Variants in DUSP4 observed in about 807,000 individuals in gnomAD.
DUSP4 encodes the protein dual specificity phosphatase 4.
DUSP4 carries 12 observed loss-of-function variants against 27.2 expected under a neutral mutation model. The observed-to-expected ratio is 0.44, with a 90% CI of 0.28 to 0.71. DUSP4 has a LOEUF of 0.71. Ranked by LOEUF, DUSP4 falls within the 30% of genes least tolerant of loss-of-function variation. The pLI, the probability that DUSP4 is intolerant of heterozygous loss-of-function variation, is 0.14. For synonymous variants in DUSP4, 257 were observed against 245.2 expected (o/e 1.05, Z -0.45); for missense variants, 448 against 551.3 (o/e 0.81, Z 1.88).
intron 1 of DUSP4, among the ~76,000 whole-genome samples, chr8:29,340,659 G>A (rs192326907): frequency 6.6e-6 from 1 of 152,252 alleles, no homozygotes; most frequent in East Asian, 1.9e-4. Flanking sequence ...CTTCCTCAGG[G>A]GAGGTTCTCC....
intron 2 of DUSP4, among the ~76,000 whole-genome samples, chr8:29,339,398 C>T (rs1264318839): frequency 3.3e-5 from 5 of 152,162 alleles, no homozygotes; most frequent in East Asian, 1.9e-4. Context: ...TATGTTCATT[C>T]GGCTGATACG....
intron 1 of DUSP4, among the ~76,000 whole-genome samples, chr8:29,340,826 G>A (rs1318714337): frequency 2.0e-5 from 3 of 152,216 alleles, no homozygotes; most frequent in African/African-American, 7.2e-5. Flanking sequence ...AACCCCTCAT[G>A]CTATGTACAG....
intron 1 of DUSP4, among the ~76,000 whole-genome samples, chr8:29,343,477 A>T (rs1319128614): frequency 6.6e-6 from 1 of 152,206 alleles, no homozygotes; most frequent in Non-Finnish European, 1.5e-5. Flanking sequence ...CACCCCCCAC[A>T]GGGCCATGCC....
At chr8:29,348,587 GC>G in intron 1 of DUSP4, 17 of 985,556 alleles carry the variant, frequency 1.7e-5, no homozygotes, top group Middle Eastern at 5.2e-4. Flanking sequence ...GGGGAACAAA[GC>G]CCCCCGCTGT....
intron 2 of DUSP4, among the ~76,000 whole-genome samples, chr8:29,339,024 T>G (rs556656605): frequency 2.0e-5 from 3 of 152,218 alleles, no homozygotes; most frequent in African/African-American, 7.2e-5. Context: ...AGACCTCATC[T>G]CTCAAACAAT....
intron 1 of DUSP4, among the ~76,000 whole-genome samples, chr8:29,343,850 A>C (rs1233286819): frequency 6.6e-6 from 1 of 152,138 alleles, no homozygotes; most frequent in Non-Finnish European, 1.5e-5. Context: ...TGTGTTTCTT[A>C]CTGTGGGCAG....
At chr8:29,343,167 CAA>C (rs3052311) in intron 1 of DUSP4, among the ~76,000 whole-genome samples, 10 of 86,548 alleles carry the variant, frequency 1.2e-4, no homozygotes, top group Non-Finnish European at 1.7e-4. Flanking sequence ...GACTCCATCT[CAA>C]AAAAAAAAAA....
At chr8:29,347,501 C>A (rs963543239) in intron 1 of DUSP4, among the ~76,000 whole-genome samples, 1 of 152,246 alleles carries the variant, frequency 6.6e-6, no homozygotes, top group African/African-American at 2.4e-5. Flanking sequence ...GATTCCCCCA[C>A]CTCTCAATTT....
At chr8:29,347,724 AG>A (rs1308636746) in intron 1 of DUSP4, 12 of 983,660 alleles carry the variant, frequency 1.2e-5, no homozygotes, top group Non-Finnish European at 6.0e-6. Flanking sequence ...AGGAGGAAAC[AG>A]CCCTTAAAGT....
intron 1 of DUSP4, among the ~76,000 whole-genome samples, chr8:29,346,798 G>A (rs1463679501): frequency 6.6e-6 from 1 of 152,176 alleles, no homozygotes; most frequent in Non-Finnish European, 1.5e-5. Context: ...CCAGTTCAAC[G>A]TGGTTGAAGT....
At chr8:29,349,798 C>G in intron 1 of DUSP4, 48 bp downstream of exon 1, 1 of 1,449,178 alleles carries the variant, frequency 6.9e-7, no homozygotes, top group Non-Finnish European at 9.0e-7. Flanking sequence ...GCCGCCAAGA[C>G]CCCCTCCATC....
intron 2 of DUSP4, among the ~76,000 whole-genome samples, chr8:29,338,809 C>T (rs1817616027): frequency 6.6e-6 from 1 of 152,210 alleles, no homozygotes; most frequent in African/African-American, 2.4e-5. Flanking sequence ...CCTTATGGCA[C>T]CATCTGTGAC....
chr8:29,349,945 T>A lies in DUSP4; in HGVS notation c.334A>T (p.Ser112Cys), dbSNP rs1359346540. The A allele has an allele frequency of 1.3e-6, 2 of 1,594,172 alleles. No individual in the cohort carries two copies. Among genetic ancestry groups the A allele is most frequent in the Non-Finnish European group, 1.7e-6 (2 of 1,174,538 alleles). ...TCGCGGAGGCTCTCGGCGCGCGGGC[T>A]GCGCTCGTCGTAGACGATGACCGCC... ...YSAVIVYDER[S>C]PRAESLREDS... The change falls in exon 1 of 4, where the codon AGC becomes TGC. Residue 112 changes from serine to cysteine, a missense_variant. Physicochemically the swap from Ser to Cys is moderately radical, Grantham distance 112 (BLOSUM62 -1). Coordinates refer to ENST00000240100, the MANE Select transcript of DUSP4 (RefSeq NM_001394.7).
rs757280121 is a variant in DUSP4, at chr8:29,350,095, G to C, written c.184C>G (p.Leu62Val). 3.1e-6 allele frequency: 5 copies of C among 1,608,336 alleles called. No homozygotes were observed. Among genetic ancestry groups the C allele is most frequent in the South Asian group, 1.1e-5 (1 of 90,798 alleles). Residue 62 changes from leucine (L) to valine (V), a missense_variant, in exon 1 of 4, where the codon CTA (leucine) becomes GTA (valine). Leu to Val is a conservative substitution (Grantham distance 32, BLOSUM62 1). Coordinates refer to ENST00000240100, the MANE Select transcript of DUSP4 (RefSeq NM_001394.7). ...PFLAHSAGYI[L>V]GSVNVRCNTI... ...TTACAGCGCACGTTGACCGAACCTA[G>C]GATGTAGCCCGCGCTGTGCGCCAGG...
At chr8:29,347,784 A>G (rs745577327) in intron 1 of DUSP4, 80 of 985,378 alleles carry the variant, frequency 8.1e-5, no homozygotes, top group Non-Finnish European at 9.0e-5. Context: ...GAGGGCTGTC[A>G]TTTTACCTAG....
rs182811206 is a variant in DUSP4, at chr8:29,345,998, T to A, written c.433+3848A>T. ...CTTTAGGTAGAAAAGGTATGCAATATTGACATCCCCCAGAGCTGTGCTGTT... is the reference window on the plus strand; with the variant it reads ...CTTTAGGTAGAAAAGGTATGCAATAATGACATCCCCCAGAGCTGTGCTGTT... On this transcript the variant is annotated intron_variant, in intron 1 of 3. Coordinates refer to ENST00000240100, the MANE Select transcript of DUSP4 (RefSeq NM_001394.7). 18 of 990,536 alleles carry A rather than the reference T, an allele frequency of 1.8e-5. No homozygotes were observed. In the East Asian group the frequency reaches 1.8e-3, roughly 99 times the overall value. 61.4% of individuals were successfully genotyped at this position (990,536 alleles called of 1,614,324 possible).
In DUSP4 at chr8:29,333,839, A is replaced by G. The variant is rs1156768362; in HGVS notation, c.*3187T>C. Reference sequence around the variant, plus strand: ...CTACTACAGGCTTGGTTGATGGCCAATTCCCAATCTCCAGCCTCTTCCTGT... The same window carrying G: ...CTACTACAGGCTTGGTTGATGGCCAGTTCCCAATCTCCAGCCTCTTCCTGT... On this transcript the variant is annotated 3_prime_UTR_variant, in exon 4 of 4. Transcript: ENST00000240100. 2 of 152,250 alleles carry G rather than the reference A, an allele frequency of 1.3e-5. No individual in the cohort carries two copies. Among genetic ancestry groups the G allele is most frequent in the Non-Finnish European group, 2.9e-5 (2 of 68,080 alleles). 9.4% of individuals were successfully genotyped at this position (152,250 alleles called of 1,614,324 possible).
chr8:29,350,057 C>T lies in DUSP4; in HGVS notation c.222G>A (p.Arg74=), dbSNP rs766514078. 1.9e-6 allele frequency: 3 copies of T among 1,600,036 alleles called. No individual in the cohort carries two copies. Among genetic ancestry groups the T allele is most frequent in the Non-Finnish European group, 2.6e-6 (3 of 1,174,776 alleles). The change falls in exon 1 of 4, where the codon CGG becomes CGA. Residue 74 remains arginine (R), a synonymous_variant. Transcript: ENST00000240100. ...SVNVRCNTIV[R]RRAKGSVSLE... Reference sequence around the variant, plus strand: ...GGCTCACGGAGCCCTTAGCCCGCCGCCGCACGATGGTGTTACAGCGCACGT... The same window carrying T: ...GGCTCACGGAGCCCTTAGCCCGCCGTCGCACGATGGTGTTACAGCGCACGT...
At chr8:29,345,496 A>C (rs751994344) in intron 1 of DUSP4, 2 of 1,595,356 alleles carry the variant, frequency 1.3e-6, no homozygotes, top group Non-Finnish European at 1.7e-6. Context: ...TGTTCAGCAA[A>C]CTGGCTTCCG....
Sources: gnomAD v4.1 joint callset for allele counts (sites outside exome capture counted in the v4.1 genomes callset) on GRCh38, gnomAD v4.1.1 for gene constraint, MANE v1.5 for transcripts, NCBI Gene and HGNC (gene_info 2026-07-23, HGNC 2026-07-21) for gene names.